The following SAMD12 variants were observed in gnomAD, a reference collection of about 807,000 sequenced individuals.
SAMD12 encodes the protein sterile alpha motif domain-containing protein 12.
In SAMD12, 9 loss-of-function variants were observed where a neutral mutation model predicts 15.0. The observed-to-expected ratio is 0.60, with a 90% CI of 0.36 to 1.05. The LOEUF is 1.05. Ranked by LOEUF, SAMD12 falls within the 50% of genes least tolerant of loss-of-function variation. SAMD12 has a pLI of 0.01. For missense variants in SAMD12, 230 were observed against 234.2 expected (o/e 0.98, Z 0.12); for synonymous variants, 86 against 90.1 (o/e 0.96, Z 0.25).
chr8:118,528,801 C>A (rs2131111266), intron 2 of SAMD12, among the ~76,000 whole-genome samples: 1 of 152,316 alleles, frequency 6.6e-6, no homozygotes, highest in Middle Eastern at 3.4e-3. Flanking sequence ...GATTACCACC[C>A]TCCACTGGCC....
chr8:118,373,983 AT>A (rs57638382), downstream of SAMD12, among the ~76,000 whole-genome samples: 1,229 of 150,310 alleles, frequency 8.2e-3, 12 homozygotes, highest in South Asian at 0.033. Flanking sequence ...TGGGCTAGCA[AT>A]TTTTTTTTTA....
chr8:118,545,051 T>C (rs1009484600), intron 2 of SAMD12, among the ~76,000 whole-genome samples: 14 of 152,206 alleles, frequency 9.2e-5, no homozygotes, highest in African/African-American at 3.1e-4. Flanking sequence ...AAAATGCCAG[T>C]GCCCAGGCCT....
chr8:118,159,813 G>A, the SAMD12 span, among the ~76,000 whole-genome samples: 1 of 149,564 alleles, frequency 6.7e-6, no homozygotes, highest in Non-Finnish European at 1.5e-5. Context: ...CCTCCCCTCT[G>A]GGTTCAAGCG....
At chr8:118,159,699 C>T in the SAMD12 span, among the ~76,000 whole-genome samples, 1 of 140,882 alleles carries the variant, frequency 7.1e-6, no homozygotes, top group African/African-American at 2.6e-5. Flanking sequence ...TACTATATAA[C>T]AAATTTTTTC....
chr8:118,372,691 A>G (rs1819167500), intron 4 of SAMD12, among the ~76,000 whole-genome samples: 1 of 152,122 alleles, frequency 6.6e-6, no homozygotes, highest in Non-Finnish European at 1.5e-5. Context: ...CAAACAACTC[A>G]AATGTCCCAC....
intron 2 of SAMD12, among the ~76,000 whole-genome samples, chr8:118,443,879 T>G (rs1365516058): frequency 6.6e-6 from 1 of 152,218 alleles, no homozygotes; most frequent in African/African-American, 2.4e-5. Flanking sequence ...TTAAAGAGCT[T>G]ACACTTCACT....
At chr8:118,579,845 G>A (rs574350139) in intron 2 of SAMD12, among the ~76,000 whole-genome samples, 2 of 152,228 alleles carry the variant, frequency 1.3e-5, no homozygotes, top group African/African-American at 2.4e-5. Flanking sequence ...AAACTAATAT[G>A]AGTATCTTCA....
intron 3 of SAMD12, among the ~76,000 whole-genome samples, chr8:118,380,739 T>C (rs570033706): frequency 7.2e-5 from 11 of 152,250 alleles, no homozygotes; most frequent in Non-Finnish European, 1.2e-4. Flanking sequence ...TATTATCATA[T>C]ACATTTCACA....
chr8:118,457,262 A>T, intron 2 of SAMD12, among the ~76,000 whole-genome samples: 2 of 138,148 alleles, frequency 1.4e-5, no homozygotes, highest in African/African-American at 2.7e-5. Flanking sequence ...GACAAGGCTT[A>T]CTCTCTTGCC....
intron 4 of SAMD12, among the ~76,000 whole-genome samples, chr8:118,301,819 A>G (rs1226221558): frequency 6.6e-6 from 1 of 152,164 alleles, no homozygotes; most frequent in African/African-American, 2.4e-5. Flanking sequence ...CATTGCTACT[A>G]ATTCTTTATG....
chr8:118,159,452 G>T, the SAMD12 span, among the ~76,000 whole-genome samples: 2 of 152,162 alleles, frequency 1.3e-5, no homozygotes, highest in African/African-American at 2.4e-5. Context: ...GCAAACATGG[G>T]ATCAGGGCTG....
chr8:118,597,013 G>A (rs1827739901), intron 1 of SAMD12, among the ~76,000 whole-genome samples: 1 of 152,152 alleles, frequency 6.6e-6, no homozygotes, highest in Non-Finnish European at 1.5e-5. Context: ...CAAAGAGGCA[G>A]CTAGGTGGAT....
At position 118,607,741 on chromosome 8, in the gene SAMD12, T is replaced by C. The variant is rs932226021; in HGVS notation, c.13+14063A>G. Among the ~76,000 whole-genome samples the C allele has an allele frequency of 3.9e-5, 6 of 152,334 alleles. No homozygotes were observed. The South Asian group carries it at 1.0e-3, about 26-fold the overall frequency. The stretch of plus-strand genomic sequence containing the variant: ...ATCTAGAACAGTGCCTATCATGTAC[T>C]ACAGGAATATTTTTCATATTTTGTA... On this transcript the variant is annotated intron_variant, in intron 1 of 3. Coordinates refer to ENST00000314727, the MANE Select transcript of SAMD12 (RefSeq NM_207506.3).
intron 2 of SAMD12, among the ~76,000 whole-genome samples, chr8:118,457,394 A>ATT (rs553057937): frequency 5.6e-5 from 8 of 142,276 alleles, no homozygotes; most frequent in East Asian, 4.1e-4. Context: ...CAACACCCAG[A>ATT]TTTTTTTTTT....
intron 2 of SAMD12, among the ~76,000 whole-genome samples, chr8:118,535,500 C>T (rs1041909797): frequency 1.1e-4 from 16 of 152,248 alleles, no homozygotes; most frequent in African/African-American, 3.9e-4. Flanking sequence ...TTTAAGTCTG[C>T]AGAAGTTTCT....
At chr8:118,513,179 C>T (rs1421798916) in intron 2 of SAMD12, among the ~76,000 whole-genome samples, 1 of 152,104 alleles carries the variant, frequency 6.6e-6, no homozygotes. Flanking sequence ...TTTGATTTTT[C>T]TCTTGCAAAA....
intron 1 of SAMD12, among the ~76,000 whole-genome samples, chr8:118,584,018 C>A (rs186797116): frequency 6.6e-6 from 1 of 152,276 alleles, no homozygotes; most frequent in East Asian, 1.9e-4. Context: ...CCTTCCTTTA[C>A]GCAATCATGC....
intron 2 of SAMD12, among the ~76,000 whole-genome samples, chr8:118,508,131 C>A (rs536848361): frequency 3.7e-4 from 55 of 149,396 alleles, no homozygotes; most frequent in Non-Finnish European, 5.8e-4. Context: ...GTAGCTGGGA[C>A]TACAGGTGTG....
At chr8:118,422,500 C>T (rs1822043811) in intron 3 of SAMD12, among the ~76,000 whole-genome samples, 1 of 152,124 alleles carries the variant, frequency 6.6e-6, no homozygotes, top group Non-Finnish European at 1.5e-5. Flanking sequence ...GAAGCTAATA[C>T]TGAGGCAAGA....
Sources: allele counts gnomAD v4.1 joint callset (sites outside exome capture counted in the v4.1 genomes callset), GRCh38; gene constraint gnomAD v4.1.1; transcripts MANE v1.5; gene names NCBI Gene and HGNC (gene_info 2026-07-23, HGNC 2026-07-21).